Variants in GADL1 observed in about 807,000 individuals in gnomAD.
GADL1 encodes acidic amino acid decarboxylase GADL1.
GADL1 carries 71 observed loss-of-function variants against 69.5 expected under a neutral mutation model. That is an observed-to-expected ratio of 1.02 (90% CI 0.84 to 1.25). GADL1 has a LOEUF of 1.25. Ranked by LOEUF, GADL1 falls within the 50% of genes most tolerant of loss-of-function variation. GADL1 has a pLI of 0.00. For missense variants in GADL1, 737 were observed against 631.8 expected (o/e 1.17, Z -1.79); for synonymous variants, 254 against 214.4 (o/e 1.18, Z -1.62).
intron 13 of GADL1, among the ~76,000 whole-genome samples, chr3:30,785,394 T>G (rs1002037629): frequency 4.7e-5 from 7 of 149,576 alleles, no homozygotes; most frequent in Admixed American, 4.6e-4. Flanking sequence ...TTTTTTTTTT[T>G]TCCCCCCGAG....
At chr3:30,825,665 A>C (rs1462245179) in intron 11 of GADL1, among the ~76,000 whole-genome samples, 2 of 39,860 alleles carry the variant, frequency 5.0e-5, no homozygotes, top group Non-Finnish European at 8.8e-5. Context: ...CTTAACTTGC[A>C]CAGGAACAGA....
At chr3:30,818,326 T>C (rs1202724149) in intron 11 of GADL1, among the ~76,000 whole-genome samples, 1 of 152,216 alleles carries the variant, frequency 6.6e-6, no homozygotes, top group African/African-American at 2.4e-5. Context: ...GTTTTAAAAT[T>C]ATATCACTTT....
chr3:30,808,872 T>C (rs1293672636), intron 11 of GADL1, among the ~76,000 whole-genome samples: 1 of 152,198 alleles, frequency 6.6e-6, no homozygotes, highest in Non-Finnish European at 1.5e-5. Flanking sequence ...TGAGAGCAGG[T>C]CATCAAAATA....
Position 30,786,364 on chromosome 3 carries a change from T to G in GADL1, c.1293A>C (p.Leu431Phe). The G allele has an allele frequency of 6.4e-7, 1 of 1,561,244 alleles. No homozygotes were observed. The highest frequency in any genetic ancestry group is 8.8e-7 in the Non-Finnish European group (1 of 1,133,150). ...TTATGCAATCACTTACTTCCATCAG[T>G]AACTTGAATCCTTCTCTTTTCTTGA... Reference protein sequence around the residue: ...DEIKKREGFKLLMEPEYANIC... With the variant: ...DEIKKREGFKFLMEPEYANIC... The change falls in exon 13 of 15, where the codon TTA becomes TTC. Residue 431 changes from leucine (L) to phenylalanine (F), a missense_variant. Leu to Phe is a conservative substitution (Grantham distance 22, BLOSUM62 0). Coordinates refer to ENST00000282538, the MANE Select transcript of GADL1 (RefSeq NM_207359.3).
intron 1 of GADL1, among the ~76,000 whole-genome samples, chr3:30,888,998 C>T (rs897575158): frequency 4.9e-5 from 7 of 143,028 alleles, no homozygotes; most frequent in Middle Eastern, 3.6e-3. Context: ...TACCTCTATT[C>T]GCAAATGTTA....
chr3:30,765,466 T>A (rs533632342), intron 14 of GADL1, among the ~76,000 whole-genome samples: 1 of 122,544 alleles, frequency 8.2e-6, no homozygotes, highest in South Asian at 2.5e-4. Flanking sequence ...AATCAATAAA[T>A]TATTTTCTAT....
chr3:30,747,416 A>G (rs1695723446), intron 14 of GADL1, among the ~76,000 whole-genome samples: 1 of 150,510 alleles, frequency 6.6e-6, no homozygotes, highest in Non-Finnish European at 1.5e-5. Context: ...ATACTAGAGA[A>G]GGAAGGGTAG....
chr3:30,731,539 C>A (rs192279596), intron 14 of GADL1, among the ~76,000 whole-genome samples: 16 of 152,276 alleles, frequency 1.1e-4, no homozygotes, highest in African/African-American at 3.4e-4. Context: ...AGGAAGAGGG[C>A]ACCTCAGATG....
rs909462812 is a variant in GADL1, at chr3:30,787,038, G to A, written c.1251-632C>T. On this transcript the variant is annotated intron_variant, in intron 12 of 14. Coordinates refer to ENST00000282538, the MANE Select transcript of GADL1 (RefSeq NM_207359.3). ...AGGGAGGGGAGCAACACACACTAGGGCCTGTCAGGGGAGGATGAGGGGAGA... is the reference window on the plus strand; with the variant it reads ...AGGGAGGGGAGCAACACACACTAGGACCTGTCAGGGGAGGATGAGGGGAGA... Among the ~76,000 whole-genome samples the A allele has an allele frequency of 2.0e-5, 3 of 152,184 alleles. No individual in the cohort carries two copies. In the East Asian group the frequency reaches 5.8e-4, roughly 29 times the overall value.
chr3:30,807,164 C>T (rs1697270473), intron 11 of GADL1, among the ~76,000 whole-genome samples: 1 of 152,144 alleles, frequency 6.6e-6, no homozygotes, highest in African/African-American at 2.4e-5. Flanking sequence ...AAAAATCTTA[C>T]CCACCACTCT....
chr3:30,734,460 G>A (rs540086015), intron 14 of GADL1, among the ~76,000 whole-genome samples: 4 of 152,230 alleles, frequency 2.6e-5, no homozygotes, highest in Admixed American at 2.0e-4. Flanking sequence ...GCTGAAATGG[G>A]CTTTGGATTC....
chr3:30,803,976 G>T (rs1697208625), intron 11 of GADL1, among the ~76,000 whole-genome samples: 1 of 152,138 alleles, frequency 6.6e-6, no homozygotes, highest in Non-Finnish European at 1.5e-5. Flanking sequence ...ATAAATATTA[G>T]TAACATGGCT....
At chr3:30,783,923 T>A (rs1439421625) in intron 13 of GADL1, among the ~76,000 whole-genome samples, 2 of 152,306 alleles carry the variant, frequency 1.3e-5, no homozygotes. Context: ...TTTTTTCTCA[T>A]CACTTCCAGC....
chr3:30,731,045 T>C (rs543488742), intron 14 of GADL1, among the ~76,000 whole-genome samples: 1 of 152,330 alleles, frequency 6.6e-6, no homozygotes, highest in South Asian at 2.1e-4. Flanking sequence ...CAAGTGGCTT[T>C]CTGAATGCAA....
chr3:30,889,184 G>A (rs1209042128), intron 1 of GADL1, among the ~76,000 whole-genome samples: 2 of 143,642 alleles, frequency 1.4e-5, no homozygotes, highest in Non-Finnish European at 3.0e-5. Context: ...GGCAAAGGAA[G>A]ACCAAAGGCA....
At chr3:30,759,114 A>T (rs561645567) in intron 14 of GADL1, among the ~76,000 whole-genome samples, 12 of 152,230 alleles carry the variant, frequency 7.9e-5, no homozygotes, top group African/African-American at 2.2e-4. Context: ...GGTTGGATTT[A>T]GTGCTGGCAT....
Position 30,726,505 on chromosome 3 carries a change from ACAC to A in GADL1, c.*1734_*1736del, listed in dbSNP as rs1695368538. 2 of 152,234 alleles carry A rather than the reference ACAC, an allele frequency of 1.3e-5. No individual in the cohort carries two copies. The highest frequency in any genetic ancestry group is 2.1e-4 in the South Asian group (1 of 4,828). 9.4% of individuals were successfully genotyped at this position (152,234 alleles called of 1,614,324 possible). A position where few individuals can be genotyped will look rare whatever the true frequency, so the allele number is the denominator to read the frequency against. Reference sequence around the variant, plus strand: ...AATAAACACACACACACACACACACACACCAATAGGTTTCACCTGAGAATTTGA... The same window carrying A: ...AATAAACACACACACACACACACACACAATAGGTTTCACCTGAGAATTTGA... On this transcript the variant is annotated 3_prime_UTR_variant, in exon 15 of 15. Coordinates refer to ENST00000282538, the MANE Select transcript of GADL1 (RefSeq NM_207359.3).
intron 14 of GADL1, among the ~76,000 whole-genome samples, chr3:30,772,999 G>GA (rs1431886596): frequency 2.0e-5 from 3 of 146,638 alleles, no homozygotes; most frequent in South Asian, 2.2e-4. Flanking sequence ...AACCAATGCA[G>GA]ATACTGTGTG....
rs148964604 is a variant in GADL1, at chr3:30,844,428, C to A, written c.690G>T (p.Gly230=). The change falls in exon 7 of 15, where the codon GGG becomes GGT. Residue 230 remains glycine, a synonymous_variant. Transcript: ENST00000282538. ...YSMKKAASFL[G]IGTENVCFVE... ...CAAAGCAAACATTCTCAGTGCCAAT[C>A]CCAAGAAAAGAGGCTGCCTTCTTCA... 277 of 1,613,398 alleles carry A rather than the reference C, an allele frequency of 1.7e-4. No individual in the cohort carries two copies. Among genetic ancestry groups the A allele is most frequent in the Non-Finnish European group, 2.3e-4 (269 of 1,179,496 alleles).
Sources: gnomAD v4.1 joint callset for allele counts (sites outside exome capture counted in the v4.1 genomes callset) on GRCh38, gnomAD v4.1.1 for gene constraint, MANE v1.5 for transcripts, NCBI Gene and HGNC (gene_info 2026-07-23, HGNC 2026-07-21) for gene names.